The following PREX2 variants were observed in gnomAD, a reference collection of about 807,000 sequenced individuals.
PREX2 encodes the protein phosphatidylinositol-3,4,5-trisphosphate dependent Rac exchange factor 2, also known as phosphatidylinositol 3,4,5-trisphosphate-dependent Rac exchanger 2 protein.
PREX2 carries 107 observed loss-of-function variants against 203.2 expected under a neutral mutation model. The observed-to-expected ratio is 0.53, with a 90% CI of 0.45 to 0.62. PREX2 has a LOEUF of 0.62. Ranked by LOEUF, PREX2 falls within the 20% of genes least tolerant of loss-of-function variation. PREX2 has a pLI of 0.00. For missense variants in PREX2, 1,777 were observed against 1,955.9 expected, an observed-to-expected ratio of 0.91 and a Z score of 1.72; for synonymous variants, 672 against 663.6, an observed-to-expected ratio of 1.01 and a Z score of -0.19.
chr8:68,198,333 T>A (rs79751434), intron 37 of PREX2, among the ~76,000 whole-genome samples: 2 of 152,250 alleles, frequency 1.3e-5, no homozygotes, highest in Non-Finnish European at 2.9e-5. Context: ...TATATTTATA[T>A]ACCTGCTTTG....
intron 1 of PREX2, among the ~76,000 whole-genome samples, chr8:67,986,060 G>C (rs978299008): frequency 1.3e-5 from 2 of 152,208 alleles, no homozygotes; most frequent in Non-Finnish European, 2.9e-5. Context: ...ACTGGCAAAA[G>C]CGTTTTGAGA....
At chr8:68,111,008 T>C (rs1810522968) in intron 25 of PREX2, 1 of 395,518 alleles carries the variant, frequency 2.5e-6, no homozygotes, top group African/African-American at 2.1e-5. Context: ...CTTTGAATTG[T>C]GTTGGAATCC....
intron 7 of PREX2, among the ~76,000 whole-genome samples, chr8:68,042,923 G>A (rs544098327): frequency 1.3e-5 from 2 of 152,126 alleles, no homozygotes; most frequent in East Asian, 3.9e-4. Context: ...ATAGAACTAA[G>A]TGATGGATTC....
At chr8:68,077,587 G>T (rs567633981) in intron 15 of PREX2, 118 bp downstream of exon 15, 1 of 788,842 alleles carries the variant, frequency 1.3e-6, no homozygotes, top group Admixed American at 1.8e-5. Flanking sequence ...AGACTGTCTG[G>T]GTCTTGCCAT....
intron 1 of PREX2, among the ~76,000 whole-genome samples, chr8:68,004,839 A>T (rs911664505): frequency 6.6e-6 from 1 of 152,242 alleles, no homozygotes; most frequent in Admixed American, 6.5e-5. Flanking sequence ...TAAATAGAAC[A>T]TAATAAAAAA....
chr8:68,089,344 A>G (rs1202940152), intron 19 of PREX2, among the ~76,000 whole-genome samples: 12 of 152,116 alleles, frequency 7.9e-5, no homozygotes, highest in Non-Finnish European at 8.8e-5. Context: ...ATTGCTTCCT[A>G]TATCCCAAGA....
chr8:68,189,853 A>G (rs1474151125), intron 35 of PREX2, among the ~76,000 whole-genome samples: 2 of 152,208 alleles, frequency 1.3e-5, no homozygotes, highest in African/African-American at 4.8e-5. Flanking sequence ...GTTGTTTACA[A>G]AACTTTTTGA....
rs1217622017 is a variant in PREX2, at chr8:68,231,927, G to T, written c.*549G>T. The T allele has an allele frequency of 6.6e-6, 1 of 152,382 alleles. No individual in the cohort carries two copies. The highest frequency in any genetic ancestry group is 1.9e-4 in the East Asian group (1 of 5,226). 9.4% of individuals were successfully genotyped at this position (152,382 alleles called of 1,614,324 possible). A position where few individuals can be genotyped will look rare whatever the true frequency, so the allele number is the denominator to read the frequency against. ...GAAAGTCATTAATGTGTAAAAGGTG[G>T]AAAAGCATGCTTTACTCTTTCTCCT... On this transcript the variant is annotated 3_prime_UTR_variant, in exon 40 of 40. Transcript: ENST00000288368.
chr8:68,186,484 T>C (rs2129614531), intron 35 of PREX2, among the ~76,000 whole-genome samples: 1 of 152,312 alleles, frequency 6.6e-6, no homozygotes, highest in African/African-American at 2.4e-5. Flanking sequence ...TGTTTTTCTA[T>C]CTTAGTTCTG....
chr8:68,043,795 G>A (rs1238196299), intron 7 of PREX2, among the ~76,000 whole-genome samples: 1 of 151,852 alleles, frequency 6.6e-6, no homozygotes, highest in African/African-American at 2.4e-5. Flanking sequence ...CTAATTCATT[G>A]TTAGAAATGG....
At chr8:68,108,818 T>C (rs755738281) in intron 24 of PREX2, among the ~76,000 whole-genome samples, 7 of 152,114 alleles carry the variant, frequency 4.6e-5, no homozygotes, top group Non-Finnish European at 8.8e-5. Context: ...TTAATTTAAC[T>C]GGATAAAGAA....
chr8:68,106,250 G>T, intron 23 of PREX2: 1 of 482,474 alleles, frequency 2.1e-6, no homozygotes, highest in Non-Finnish European at 4.0e-6. Context: ...TGCCTTGTGA[G>T]ACTTTTATCC....
chr8:68,050,563 A>T (rs982515429), intron 8 of PREX2, among the ~76,000 whole-genome samples: 1 of 152,204 alleles, frequency 6.6e-6, no homozygotes, highest in Non-Finnish European at 1.5e-5. Flanking sequence ...TGGGGATTAC[A>T]ATTTGACATG....
intron 23 of PREX2, among the ~76,000 whole-genome samples, chr8:68,107,608 A>T (rs910233994): frequency 1.3e-5 from 2 of 152,198 alleles, no homozygotes; most frequent in Non-Finnish European, 2.9e-5. Context: ...CTCAGCCTCC[A>T]CACCCTACTG....
In PREX2 at chr8:67,965,617, G is replaced by A. The variant is rs1047588395; in HGVS notation, c.141+13082G>A. Among the ~76,000 whole-genome samples, 4 of 151,998 alleles carry A rather than the reference G, an allele frequency of 2.6e-5. No individual in the cohort carries two copies. In the East Asian group the frequency reaches 7.7e-4, roughly 29 times the overall value. On this transcript the variant is annotated intron_variant, in intron 1 of 39. Transcript: ENST00000288368. ...GTTCTATTGATTGCTTAGGTGAAAA[G>A]CATTAATGTAGTTTAAACATATATT...
chr8:68,025,419 T>C lies in PREX2; in HGVS notation c.442-1803T>C, dbSNP rs538065904. On this transcript the variant is annotated intron_variant, in intron 4 of 39. Coordinates refer to ENST00000288368, the MANE Select transcript of PREX2 (RefSeq NM_024870.4). Reference sequence around the variant, plus strand: ...ATATGATGGGTCATTTTTCTCTTTTTTGCTGCTTTCTAGATTTTCTCTTTG... The same window carrying C: ...ATATGATGGGTCATTTTTCTCTTTTCTGCTGCTTTCTAGATTTTCTCTTTG... 1.6e-4 allele frequency among the ~76,000 whole-genome samples: 24 copies of C among 152,144 alleles called. No homozygotes were observed. The South Asian group carries it at 5.0e-3, about 32-fold the overall frequency.
intron 18 of PREX2, among the ~76,000 whole-genome samples, chr8:68,084,577 G>T (rs1407253516): frequency 6.6e-6 from 1 of 152,072 alleles, no homozygotes; most frequent in African/African-American, 2.4e-5. Flanking sequence ...TAAATTAGAT[G>T]CTTTAGCTTC....
In PREX2 at chr8:68,017,831, T is replaced by A; in HGVS notation, c.142-15T>A. 1 of 1,607,394 alleles carries A rather than the reference T, an allele frequency of 6.2e-7. No homozygotes were observed. The highest frequency in any genetic ancestry group is 8.5e-7 in the Non-Finnish European group (1 of 1,175,234). ...ACCTAATGTTACCTTCATAATGTCT[T>A]CTTGTTTCATGCAGGCATTCTTACA... On this transcript the variant is annotated splice_polypyrimidine_tract_variant and intron_variant, in intron 1 of 39. Coordinates refer to ENST00000288368, the MANE Select transcript of PREX2 (RefSeq NM_024870.4).
intron 31 of PREX2, among the ~76,000 whole-genome samples, chr8:68,132,884 A>G (rs1224930847): frequency 6.6e-6 from 1 of 152,210 alleles, no homozygotes; most frequent in Non-Finnish European, 1.5e-5. Flanking sequence ...AACCACCTGA[A>G]GAAATGAACT....
Sources: gnomAD v4.1 joint callset for allele counts (sites outside exome capture counted in the v4.1 genomes callset) on GRCh38, gnomAD v4.1.1 for gene constraint, MANE v1.5 for transcripts, NCBI Gene and HGNC (gene_info 2026-07-23, HGNC 2026-07-21) for gene names.